SHROOM4: variants seen among roughly 807,000 people sequenced by gnomAD.
The protein encoded by SHROOM4 is protein Shroom4.
A neutral mutation model predicts 80.3 loss-of-function variants in SHROOM4; 17 were observed. The observed-to-expected ratio is 0.21, with a 90% CI of 0.14 to 0.32. The LOEUF is 0.32. Among genes scored for constraint, SHROOM4 ranks in the 10% least tolerant of loss-of-function variants. SHROOM4 has a pLI of 1.00. For missense variants in SHROOM4, 993 were observed against 1,140.3 expected (o/e 0.87, Z 1.86); for synonymous variants, 400 against 437.5 (o/e 0.91, Z 1.07).
At chrX:50,763,063 T>C (rs1211925898) in intron 1 of SHROOM4, among the ~76,000 whole-genome samples, 2 of 111,486 alleles carry the variant, frequency 1.8e-5, no homozygotes, top group African/African-American at 6.5e-5. Context: ...CTCAGATTTC[T>C]GGAGCTCTGT....
At chrX:50,611,319 T>C (rs1230041791) in intron 5 of SHROOM4, among the ~76,000 whole-genome samples, 2 of 109,153 alleles carry the variant, frequency 1.8e-5, no homozygotes, top group African/African-American at 3.3e-5. Flanking sequence ...CGGCTAATTT[T>C]TTTTGTATTT....
At chrX:50,761,057 G>A (rs1935146176) in intron 1 of SHROOM4, among the ~76,000 whole-genome samples, 1 of 110,823 alleles carries the variant, frequency 9.0e-6, no homozygotes, top group Non-Finnish European at 1.9e-5. Flanking sequence ...TTTATTTTAG[G>A]TTCAGGGATA....
rs1208081411 is a variant in SHROOM4, at chrX:50,594,998, A to T, written c.*1697T>A. The T allele has an allele frequency of 2.7e-5, 3 of 112,778 alleles. No homozygotes were observed. Among genetic ancestry groups the T allele is most frequent in the Non-Finnish European group, 5.6e-5 (3 of 53,304 alleles). 9.3% of individuals were successfully genotyped at this position (112,778 alleles called of 1,213,427 possible). On this transcript the variant is annotated 3_prime_UTR_variant, in exon 9 of 9. Transcript: ENST00000376020. ...GAAGCTAGTGACAAGTATTTGTAAC[A>T]GCAGCAAAAGTTCCTTGGCAAATTC...
rs1557260167 is a variant in SHROOM4 at position 50,664,131 on chromosome X, A to G, written c.270-25823T>C. On this transcript the variant is annotated intron_variant, in intron 2 of 8. Transcript: ENST00000376020. ...GAAGTACCTATTTAATTCTTACCAG[A>G]TCCCTGTCGGGTGAAGGTTATTACT... Among the ~76,000 whole-genome samples, 3 of 111,858 alleles carry G rather than the reference A, an allele frequency of 2.7e-5. No individual in the cohort carries two copies. The Admixed American group carries it at 2.9e-4, about 11-fold the overall frequency.
chrX:50,615,818 C>T (rs1225056913), intron 5 of SHROOM4, among the ~76,000 whole-genome samples: 1 of 111,196 alleles, frequency 9.0e-6, no homozygotes, highest in Non-Finnish European at 1.9e-5. Flanking sequence ...GGATTTATCT[C>T]GAGGCTGTGT....
In SHROOM4 at chrX:50,592,011, C is replaced by T. The variant is rs1330213431; in HGVS notation, c.*4684G>A. On this transcript the variant is annotated 3_prime_UTR_variant, in exon 9 of 9. Coordinates refer to ENST00000376020, the MANE Select transcript of SHROOM4 (RefSeq NM_020717.5). ...GGATTTCAGGCGTGAGCCACCATGC[C>T]CGGCCGGAACTGTTTTCTTAATAAC... 1 of 327,627 alleles carries T rather than the reference C, an allele frequency of 3.1e-6. No homozygotes were observed. Among genetic ancestry groups the T allele is most frequent in the East Asian group, 9.8e-5 (1 of 10,242 alleles). 27.0% of individuals were successfully genotyped at this position (327,627 alleles called of 1,213,427 possible).
In SHROOM4 at chrX:50,753,732, A is replaced by C. The variant is rs185032068; in HGVS notation, c.118-57795T>G. Among the ~76,000 whole-genome samples the C allele has an allele frequency of 2.3e-3, 262 of 112,620 alleles. 2 individuals carry two copies. Among genetic ancestry groups the C allele is most frequent in the Non-Finnish European group, 3.2e-3 (170 of 53,287 alleles). On this transcript the variant is annotated intron_variant, in intron 1 of 8. Transcript: ENST00000376020. ...GAGTAGTTAACTAAAATATGTTATT[A>C]ACATTTGTCTCCCTTGTTTCTTTTT...
chrX:50,653,166 C>G (rs1932176436), intron 2 of SHROOM4, among the ~76,000 whole-genome samples: 1 of 111,641 alleles, frequency 9.0e-6, no homozygotes, highest in Non-Finnish European at 1.9e-5. Flanking sequence ...GGCAGTATGA[C>G]CATTTTCACG....
In SHROOM4 at chrX:50,723,024, C is replaced by G. The variant is rs190141119; in HGVS notation, c.118-27087G>C. Among the ~76,000 whole-genome samples the G allele has an allele frequency of 2.9e-3, 314 of 107,636 alleles. 1 individual carries two copies. Among genetic ancestry groups the G allele is most frequent in the African/African-American group, 9.7e-3 (286 of 29,555 alleles). 93.5% of individuals were successfully genotyped at this position (107,636 alleles called of 115,157 possible). ...AGAGTTGTACAACCATCACCACAAT[C>G]TAATTTTAGAACATTTCCATTGTCC... On this transcript the variant is annotated intron_variant, in intron 1 of 8. Coordinates refer to ENST00000376020, the MANE Select transcript of SHROOM4 (RefSeq NM_020717.5).
At chrX:50,655,576 A>G (rs1162835141) in intron 2 of SHROOM4, among the ~76,000 whole-genome samples, 4 of 106,846 alleles carry the variant, frequency 3.7e-5, no homozygotes, top group African/African-American at 1.4e-4. Flanking sequence ...TATATATTAT[A>G]TAACATATTT....
chrX:50,600,173 G>C (rs1929326890), intron 7 of SHROOM4, among the ~76,000 whole-genome samples: 1 of 111,882 alleles, frequency 8.9e-6, no homozygotes, highest in Admixed American at 9.5e-5. Flanking sequence ...TTAGTATTAT[G>C]ACTGGCACTT....
chrX:50,645,207 C>G (rs191893871), intron 2 of SHROOM4, among the ~76,000 whole-genome samples: 1 of 111,824 alleles, frequency 8.9e-6, no homozygotes, highest in Non-Finnish European at 1.9e-5. Context: ...TACTGATGCT[C>G]CTGGTGTGAT....
intron 2 of SHROOM4, among the ~76,000 whole-genome samples, chrX:50,650,648 G>A (rs868996362): frequency 1.4e-4 from 16 of 111,248 alleles, no homozygotes; most frequent in Non-Finnish European, 2.3e-4. Flanking sequence ...GTGAGCCACC[G>A]CAACCAGCCA....
intron 1 of SHROOM4, among the ~76,000 whole-genome samples, chrX:50,732,052 TCA>T (rs1349042072): frequency 9.0e-6 from 1 of 111,570 alleles, no homozygotes; most frequent in African/African-American, 3.3e-5. Flanking sequence ...AGAGCCACAC[TCA>T]GATTAGATAA....
intron 1 of SHROOM4, among the ~76,000 whole-genome samples, chrX:50,715,248 C>T (rs528223155): frequency 2.1e-3 from 237 of 111,013 alleles, no homozygotes; most frequent in Middle Eastern, 0.014. Context: ...CACACCTCTA[C>T]TCTTGTGTTC....
chrX:50,617,341 AAG>A (rs1930283151), intron 5 of SHROOM4, among the ~76,000 whole-genome samples: 1 of 111,791 alleles, frequency 8.9e-6, no homozygotes, highest in Non-Finnish European at 1.9e-5. Flanking sequence ...TGTTCCCATC[AAG>A]AGAATTGGAC....
At chrX:50,580,767 C>T in the SHROOM4 span, among the ~76,000 whole-genome samples, 400 of 111,529 alleles carry the variant, frequency 3.6e-3, 1 homozygote, top group African/African-American at 0.012. Flanking sequence ...CCAGTCTGGG[C>T]CACAGAGTAA....
chrX:50,724,771 G>A (rs1310449703), intron 1 of SHROOM4, among the ~76,000 whole-genome samples: 3 of 112,602 alleles, frequency 2.7e-5, no homozygotes, highest in South Asian at 3.7e-4. Flanking sequence ...ATGAGCCACC[G>A]TGCCCGGCCC....
intron 1 of SHROOM4, among the ~76,000 whole-genome samples, chrX:50,787,432 C>A (rs902731707): frequency 2.7e-5 from 3 of 110,507 alleles, no homozygotes; most frequent in Non-Finnish European, 3.8e-5. Context: ...TCAAGTAGAC[C>A]AATATATGCA....
Sources: gnomAD v4.1 joint callset for allele counts (sites outside exome capture counted in the v4.1 genomes callset) on GRCh38, gnomAD v4.1.1 for gene constraint, MANE v1.5 for transcripts, NCBI Gene and HGNC (gene_info 2026-07-23, HGNC 2026-07-21) for gene names.